KCNH5: variants seen among roughly 807,000 people sequenced by gnomAD.
The protein encoded by KCNH5 is voltage-gated delayed rectifier potassium channel KCNH5.
KCNH5 carries 46 observed loss-of-function variants against 96.1 expected under a neutral mutation model. That is an observed-to-expected ratio of 0.48 (90% CI 0.38 to 0.61). The LOEUF is 0.61. KCNH5 is among the 20% of genes least tolerant of loss of function. KCNH5 has a pLI of 0.00. For synonymous variants in KCNH5, 439 were observed against 449.8 expected (o/e 0.98, Z 0.30); for missense variants, 907 against 1,225.8 (o/e 0.74, Z 3.88).
chr14:62,703,270 T>C lies in KCNH5; in HGVS notation c.*4238A>G, dbSNP rs976121170. ...AACCTCTGACCAGATAAATCTCTTC[T>C]AAAACCTAAAAGAATATTTAGATAA... On this transcript the variant is annotated 3_prime_UTR_variant, in exon 11 of 11. Transcript: ENST00000322893. 2 of 151,872 alleles carry C rather than the reference T, an allele frequency of 1.3e-5. No homozygotes were observed. The highest frequency in any genetic ancestry group is 4.1e-4 in the South Asian group (2 of 4,824). The allele number at this position is 151,872 out of a possible 1,614,324, so 9.4% of individuals were successfully genotyped here.
chr14:63,017,948 A>T (rs55820878), intron 1 of KCNH5, among the ~76,000 whole-genome samples: 2 of 151,056 alleles, frequency 1.3e-5, no homozygotes, highest in Non-Finnish European at 3.0e-5. Context: ...CTGTATAAAA[A>T]ACTGCTCTGG....
intron 7 of KCNH5, among the ~76,000 whole-genome samples, chr14:62,937,840 G>A (rs894329331): frequency 2.2e-4 from 34 of 152,160 alleles, no homozygotes; most frequent in African/African-American, 8.0e-4. Flanking sequence ...AATTTGGAGT[G>A]TCAGTGTGTG....
intron 7 of KCNH5, among the ~76,000 whole-genome samples, chr14:62,868,263 C>T (rs190688191): frequency 1.6e-4 from 25 of 152,312 alleles, no homozygotes; most frequent in African/African-American, 5.8e-4. Context: ...AGTGTGATTC[C>T]TCTCCTGTGC....
At chr14:62,932,611 A>T (rs1889602368) in intron 7 of KCNH5, among the ~76,000 whole-genome samples, 2 of 152,152 alleles carry the variant, frequency 1.3e-5, no homozygotes, top group Admixed American at 1.3e-4. Context: ...CAGTAGTGAA[A>T]AATAGGCATT....
At chr14:62,817,572 C>G (rs2140013932) in intron 8 of KCNH5, among the ~76,000 whole-genome samples, 1 of 149,974 alleles carries the variant, frequency 6.7e-6, no homozygotes, top group South Asian at 2.1e-4. Flanking sequence ...AGGCTATCAG[C>G]TACATGTCAA....
chr14:62,868,271 T>C (rs953689716), intron 7 of KCNH5, among the ~76,000 whole-genome samples: 2 of 152,226 alleles, frequency 1.3e-5, no homozygotes, highest in Non-Finnish European at 2.9e-5. Context: ...TCCTCTCCTG[T>C]GCCCTCAGGT....
At chr14:62,891,320 C>T (rs1274041911) in intron 7 of KCNH5, among the ~76,000 whole-genome samples, 1 of 152,168 alleles carries the variant, frequency 6.6e-6, no homozygotes, top group Non-Finnish European at 1.5e-5. Context: ...TAACCAAATA[C>T]CGCATGTTCT....
At chr14:62,914,355 C>A (rs1889232516) in intron 7 of KCNH5, among the ~76,000 whole-genome samples, 1 of 152,128 alleles carries the variant, frequency 6.6e-6, no homozygotes, top group Non-Finnish European at 1.5e-5. Flanking sequence ...AACAAAGATT[C>A]TGTATCATCA....
chr14:62,739,852 G>A (rs1885235093), intron 10 of KCNH5, among the ~76,000 whole-genome samples: 2 of 152,142 alleles, frequency 1.3e-5, no homozygotes, highest in African/African-American at 4.8e-5. Context: ...GATGCCAGTA[G>A]AACATTATCT....
chr14:62,884,225 A>G (rs1888549848), intron 7 of KCNH5, among the ~76,000 whole-genome samples: 1 of 152,252 alleles, frequency 6.6e-6, no homozygotes, highest in Admixed American at 6.5e-5. Flanking sequence ...AACAGCGCTC[A>G]GTATGGATAT....
intron 10 of KCNH5, chr14:62,712,411 C>T: frequency 1.9e-6 from 1 of 518,522 alleles, no homozygotes; most frequent in South Asian, 2.6e-5. Flanking sequence ...CGAGCTAGGA[C>T]CTATTATTCT....
At chr14:62,777,093 A>G (rs1347378665) in intron 10 of KCNH5, among the ~76,000 whole-genome samples, 2 of 152,234 alleles carry the variant, frequency 1.3e-5, no homozygotes, top group African/African-American at 2.4e-5. Flanking sequence ...CATTGCAATA[A>G]TTTTTACAAT....
At chr14:62,996,018 C>A (rs943918257) in intron 4 of KCNH5, among the ~76,000 whole-genome samples, 3 of 139,874 alleles carry the variant, frequency 2.1e-5, no homozygotes, top group Non-Finnish European at 3.2e-5. Context: ...CAAGTCTACT[C>A]TACCCAAGTT....
chr14:62,738,513 C>T (rs976497444), intron 10 of KCNH5, among the ~76,000 whole-genome samples: 5 of 152,000 alleles, frequency 3.3e-5, no homozygotes. Flanking sequence ...TAAATAATAA[C>T]AAAACATTTT....
chr14:63,018,980 A>C (rs1891378427), intron 1 of KCNH5, among the ~76,000 whole-genome samples: 1 of 152,090 alleles, frequency 6.6e-6, no homozygotes, highest in South Asian at 2.1e-4. Context: ...CTAAAAAAGA[A>C]AGAACAATTT....
chr14:62,774,624 T>C (rs1010741145), intron 10 of KCNH5, among the ~76,000 whole-genome samples: 1 of 152,232 alleles, frequency 6.6e-6, no homozygotes, highest in Admixed American at 6.5e-5. Context: ...CTTTGATGTA[T>C]ACCTAAGAGC....
chr14:62,899,434 T>A (rs1357049268), intron 7 of KCNH5, among the ~76,000 whole-genome samples: 1 of 152,008 alleles, frequency 6.6e-6, no homozygotes, highest in Non-Finnish European at 1.5e-5. Flanking sequence ...AAAAAATAAA[T>A]AAATAAATAA....
At chr14:62,878,159 C>G (rs1404118654) in intron 7 of KCNH5, among the ~76,000 whole-genome samples, 1 of 133,916 alleles carries the variant, frequency 7.5e-6, no homozygotes, top group African/African-American at 3.0e-5. Flanking sequence ...AACACATGGA[C>G]ACAGGAAGGG....
chr14:62,957,237 A>T (rs1890121195), intron 6 of KCNH5, among the ~76,000 whole-genome samples: 1 of 152,208 alleles, frequency 6.6e-6, no homozygotes, highest in Non-Finnish European at 1.5e-5. Flanking sequence ...ATCAGCATAA[A>T]ATAATATCTT....
Sources: gnomAD v4.1 joint callset for allele counts (sites outside exome capture counted in the v4.1 genomes callset) on GRCh38, gnomAD v4.1.1 for gene constraint, MANE v1.5 for transcripts, NCBI Gene and HGNC (gene_info 2026-07-23, HGNC 2026-07-21) for gene names.